The following ANKFN1 variants were observed in gnomAD, a reference collection of about 807,000 sequenced individuals.
ANKFN1 encodes the protein ankyrin repeat and fibronectin type-III domain-containing protein 1.
A neutral mutation model predicts 108.7 loss-of-function variants in ANKFN1; 74 were observed. The ratio of observed to expected loss-of-function variants is 0.68; its 90% CI spans 0.56 to 0.83. The LOEUF is 0.83. Among genes scored for constraint, ANKFN1 ranks in the 40% least tolerant of loss-of-function variants. The probability of loss-of-function intolerance (pLI) is 0.00; values close to 1 mark genes in which losing one functional copy is unlikely to be tolerated. For synonymous variants in ANKFN1, 547 were observed against 516.2 expected (o/e 1.06, Z -0.81); for missense variants, 1,505 against 1,382.3 (o/e 1.09, Z -1.41).
At chr17:56,437,785 T>A (rs989590354) in intron 8 of ANKFN1, among the ~76,000 whole-genome samples, 1 of 152,090 alleles carries the variant, frequency 6.6e-6, no homozygotes, top group African/African-American at 2.4e-5. Context: ...TATAAACATA[T>A]ATATGTGTTT....
At chr17:56,220,636 G>A (rs1436945722) in intron 2 of ANKFN1, among the ~76,000 whole-genome samples, 1 of 151,430 alleles carries the variant, frequency 6.6e-6, no homozygotes, top group East Asian at 1.9e-4. Flanking sequence ...ATACAGCCTG[G>A]GTGACAGAGA....
chr17:56,123,390 G>A (rs1264637092), intron 4 of ANKFN1, among the ~76,000 whole-genome samples: 1 of 152,172 alleles, frequency 6.6e-6, no homozygotes, highest in African/African-American at 2.4e-5. Flanking sequence ...AGATGATGGG[G>A]AGGGCAGCGG....
intron 4 of ANKFN1, among the ~76,000 whole-genome samples, chr17:56,100,133 A>G (rs538074183): frequency 1.2e-4 from 18 of 152,262 alleles, no homozygotes; most frequent in Non-Finnish European, 2.1e-4. Context: ...TCAAGCCACA[A>G]TTCTGCTGCA....
chr17:56,152,990 AATCC>A, upstream of ANKFN1, among the ~76,000 whole-genome samples: 1 of 152,280 alleles, frequency 6.6e-6, no homozygotes, highest in East Asian at 1.9e-4. Flanking sequence ...TAGCCAAAAT[AATCC>A]ATTCCAAAGC....
chr17:56,437,816 A>C (rs1430585666), intron 8 of ANKFN1, among the ~76,000 whole-genome samples: 5 of 152,148 alleles, frequency 3.3e-5, no homozygotes, highest in Non-Finnish European at 7.4e-5. Context: ...ATTTGTAAGG[A>C]GGTATAGACC....
At chr17:56,053,042 G>GTAA (rs918220972) in intron 4 of ANKFN1, among the ~76,000 whole-genome samples, 4 of 151,958 alleles carry the variant, frequency 2.6e-5, no homozygotes, top group African/African-American at 7.3e-5. Flanking sequence ...AAATGTACTA[G>GTAA]TAATAATAAT....
At chr17:56,135,691 C>A (rs1280245791) in intron 4 of ANKFN1, among the ~76,000 whole-genome samples, 1 of 152,122 alleles carries the variant, frequency 6.6e-6, no homozygotes, top group Non-Finnish European at 1.5e-5. Flanking sequence ...AGCTTTCTGA[C>A]CTTTGGAATC....
intron 8 of ANKFN1, among the ~76,000 whole-genome samples, chr17:56,378,569 G>A (rs2047003707): frequency 6.6e-6 from 1 of 152,080 alleles, no homozygotes; most frequent in South Asian, 2.1e-4. Context: ...ATAGGTATGA[G>A]GTAGCTACCT....
chr17:56,308,284 C>CA (rs562829622), intron 3 of ANKFN1, among the ~76,000 whole-genome samples: 144 of 150,372 alleles, frequency 9.6e-4, no homozygotes, highest in African/African-American at 3.2e-3. Flanking sequence ...CATGGGAGTG[C>CA]AAAAAAAAGA....
chr17:56,285,910 T>G (rs2044204488), intron 3 of ANKFN1, among the ~76,000 whole-genome samples: 1 of 152,124 alleles, frequency 6.6e-6, no homozygotes, highest in Admixed American at 6.5e-5. Context: ...GACCTAGTCT[T>G]TGTAACATAA....
intron 4 of ANKFN1, among the ~76,000 whole-genome samples, chr17:56,047,072 T>C (rs1904691699): frequency 6.6e-6 from 1 of 152,200 alleles, no homozygotes; most frequent in African/African-American, 2.4e-5. Context: ...AGAATGATTT[T>C]GCTGTAAAGC....
chr17:56,255,470 C>T (rs1286752547), intron 3 of ANKFN1, among the ~76,000 whole-genome samples: 1 of 152,154 alleles, frequency 6.6e-6, no homozygotes, highest in Non-Finnish European at 1.5e-5. Context: ...GAGGGATATT[C>T]CTTGTGAGAA....
At chr17:56,151,119 G>C (rs115847351), upstream of ANKFN1, among the ~76,000 whole-genome samples, 1,467 of 152,246 alleles carry the variant, frequency 9.6e-3, 18 homozygotes, top group African/African-American at 0.033. Flanking sequence ...TCAGTGTGCA[G>C]CCACCTCTCT....
At chr17:56,301,806 A>G (rs1224471548) in intron 3 of ANKFN1, among the ~76,000 whole-genome samples, 2 of 152,230 alleles carry the variant, frequency 1.3e-5, no homozygotes, top group African/African-American at 4.8e-5. Context: ...TGCATATGAC[A>G]TTGACTTTGG....
At chr17:56,475,426 G>C in intron 15 of ANKFN1, among the ~76,000 whole-genome samples, 1 of 152,118 alleles carries the variant, frequency 6.6e-6, no homozygotes. Flanking sequence ...ACATCTGCTA[G>C]ATGTTGCAGA....
chr17:56,217,237 C>T (rs372160797), intron 2 of ANKFN1, among the ~76,000 whole-genome samples: 1 of 152,206 alleles, frequency 6.6e-6, no homozygotes, highest in African/African-American at 2.4e-5. Flanking sequence ...GTTCAACAAA[C>T]TCCCCCTAGC....
chr17:56,377,522 C>G (rs1014266690), intron 8 of ANKFN1, among the ~76,000 whole-genome samples: 2 of 152,186 alleles, frequency 1.3e-5, no homozygotes, highest in Non-Finnish European at 2.9e-5. Context: ...TGTTTTCTCT[C>G]TGGATTCAAA....
chr17:56,460,543 C>A (rs2049866588), intron 14 of ANKFN1, among the ~76,000 whole-genome samples: 1 of 152,144 alleles, frequency 6.6e-6, no homozygotes, highest in Non-Finnish European at 1.5e-5. Flanking sequence ...CACTCTCCTT[C>A]ACATCTCAGG....
chr17:56,264,539 C>T (rs1252077305), intron 3 of ANKFN1, among the ~76,000 whole-genome samples: 3 of 152,184 alleles, frequency 2.0e-5, no homozygotes, highest in Non-Finnish European at 4.4e-5. Flanking sequence ...GATTTGGGAA[C>T]ATTTCCCACA....
Sources: allele counts gnomAD v4.1 joint callset (sites outside exome capture counted in the v4.1 genomes callset), GRCh38; gene constraint gnomAD v4.1.1; transcripts MANE v1.5; gene names NCBI Gene and HGNC (gene_info 2026-07-23, HGNC 2026-07-21).